Variants in UMAD1 observed in about 807,000 individuals in gnomAD.
The protein encoded by UMAD1 is UBAP1-MVB12-associated (UMA)-domain containing protein 1.
A neutral mutation model predicts 6.1 loss-of-function variants in UMAD1; 8 were observed. The observed-to-expected ratio is 1.30, with a 90% CI of 0.76 to 2.35. The LOEUF is 2.35. Among genes scored for constraint, UMAD1 ranks in the 30% most tolerant of loss-of-function variants. The pLI is 0.00. For missense variants in UMAD1, 130 were observed against 78.4 expected (o/e 1.66, Z -2.49); for synonymous variants, 56 against 31.4 (o/e 1.78, Z -2.61).
chr7:7,665,808 G>T (rs1344871582), intron 1 of UMAD1, among the ~76,000 whole-genome samples: 2 of 151,374 alleles, frequency 1.3e-5, no homozygotes, highest in Admixed American at 6.6e-5. Flanking sequence ...TATATTGTCT[G>T]GCTTCTTTCC....
chr7:7,651,435 T>C (rs2115550579), intron 1 of UMAD1, among the ~76,000 whole-genome samples: 1 of 152,308 alleles, frequency 6.6e-6, no homozygotes, highest in Admixed American at 6.5e-5. Context: ...TTTAGGGCTG[T>C]AGGTTTTCAG....
chr7:7,749,063 T>G (rs1013611109), intron 2 of UMAD1, among the ~76,000 whole-genome samples: 4 of 152,202 alleles, frequency 2.6e-5, no homozygotes, highest in Admixed American at 2.0e-4. Flanking sequence ...AAAATTTCCC[T>G]TGATAATGTT....
intron 3 of UMAD1, among the ~76,000 whole-genome samples, chr7:7,840,947 G>A (rs190509392): frequency 6.6e-6 from 1 of 152,208 alleles, no homozygotes; most frequent in East Asian, 1.9e-4. Context: ...CAGGTTAGGA[G>A]TTGGGTACCT....
At chr7:7,695,637 A>AC (rs1411441948) in intron 2 of UMAD1, among the ~76,000 whole-genome samples, 1 of 152,064 alleles carries the variant, frequency 6.6e-6, no homozygotes. Context: ...ACAGGATCTG[A>AC]CCCCTCACAC....
At chr7:7,700,765 G>A (rs1018092110) in intron 2 of UMAD1, among the ~76,000 whole-genome samples, 12 of 152,260 alleles carry the variant, frequency 7.9e-5, no homozygotes, top group African/African-American at 2.9e-4. Flanking sequence ...GTGGGTGCCT[G>A]TAATCAAAGC....
chr7:7,819,217 C>T (rs942605959), intron 3 of UMAD1, among the ~76,000 whole-genome samples: 6 of 152,132 alleles, frequency 3.9e-5, no homozygotes, highest in African/African-American at 1.2e-4. Context: ...CCCCATAGTA[C>T]AGGACCTTCT....
chr7:7,643,200 G>C (rs1371980339), intron 1 of UMAD1, among the ~76,000 whole-genome samples: 1 of 152,124 alleles, frequency 6.6e-6, no homozygotes, highest in African/African-American at 2.4e-5. Context: ...ATTGAATGTA[G>C]ACCCGAGGGA....
chr7:7,873,119 GCTAA>G (rs748543386), intron 3 of UMAD1, among the ~76,000 whole-genome samples: 113 of 152,246 alleles, frequency 7.4e-4, no homozygotes, highest in Non-Finnish European at 9.1e-4. Flanking sequence ...CTATGAAATA[GCTAA>G]CTGTTATCAA....
intron 2 of UMAD1, among the ~76,000 whole-genome samples, chr7:7,728,010 A>C (rs1017933587): frequency 5.3e-5 from 8 of 152,086 alleles, no homozygotes; most frequent in African/African-American, 1.9e-4. Flanking sequence ...CCTCTAGAGA[A>C]CCCTGACTAA....
At chr7:7,868,935 C>A (rs950984754) in intron 3 of UMAD1, among the ~76,000 whole-genome samples, 1 of 152,106 alleles carries the variant, frequency 6.6e-6, no homozygotes, top group South Asian at 2.1e-4. Context: ...ATTTAATGAG[C>A]ACTTTGTATA....
At chr7:7,698,208 T>A (rs576487355) in intron 2 of UMAD1, among the ~76,000 whole-genome samples, 1 of 152,238 alleles carries the variant, frequency 6.6e-6, no homozygotes, top group Non-Finnish European at 1.5e-5. Context: ...GCTTCATTAG[T>A]GTTTTTGGAT....
intron 2 of UMAD1, among the ~76,000 whole-genome samples, chr7:7,799,176 G>GA (rs202232008): frequency 4.0e-5 from 6 of 151,836 alleles, no homozygotes; most frequent in Non-Finnish European, 7.4e-5. Context: ...TCAAGGGGTG[G>GA]AAAAAAAACT....
chr7:7,860,312 T>A (rs2115331608), intron 3 of UMAD1, among the ~76,000 whole-genome samples: 1 of 152,306 alleles, frequency 6.6e-6, no homozygotes, highest in Admixed American at 6.5e-5. Flanking sequence ...AATAAGTTTA[T>A]AATTCAAAAT....
chr7:7,696,309 AAAAC>A (rs905978491), intron 2 of UMAD1, among the ~76,000 whole-genome samples: 8 of 151,790 alleles, frequency 5.3e-5, no homozygotes, highest in Non-Finnish European at 1.2e-4. Flanking sequence ...ATTAAAAAAA[AAAAC>A]ACCCCAAAAC....
intron 3 of UMAD1, among the ~76,000 whole-genome samples, chr7:7,834,904 G>A (rs1380443237): frequency 6.6e-6 from 1 of 152,130 alleles, no homozygotes; most frequent in Non-Finnish European, 1.5e-5. Flanking sequence ...GGCAGAAGGC[G>A]AAGGGGAAGT....
At chr7:7,806,238 G>T (rs1432110564) in intron 3 of UMAD1, among the ~76,000 whole-genome samples, 1 of 116,980 alleles carries the variant, frequency 8.5e-6, no homozygotes, top group African/African-American at 2.8e-5. Flanking sequence ...AAAAAGAACA[G>T]CAGGGTTTTT....
Position 7,877,534 on chromosome 7 carries a change from C to T in UMAD1, c.410C>T (p.Ser137Leu), listed in dbSNP as rs748824600. 1.4e-6 allele frequency: 1 copy of T among 717,174 alleles called. No individual in the cohort carries two copies. The highest frequency in any genetic ancestry group is 2.6e-6 in the Non-Finnish European group (1 of 385,064). The allele number at this position is 717,174 out of a possible 1,614,324, so 44.4% of individuals were successfully genotyped here. A position where few individuals can be genotyped will look rare whatever the true frequency, so the allele number is the denominator to read the frequency against. Residue 137 changes from serine to leucine, a missense_variant, in exon 4 of 4, where the codon TCA becomes TTA. By Grantham distance (145) the Ser-to-Leu change is moderately radical. Coordinates refer to ENST00000682710, the MANE Select transcript of UMAD1 (RefSeq NM_001302348.2). ...CTTGAAAATTCAGTGCTCTGTGATT[C>T]ATAACCTTTATGTCTGTTTGCACCT... ...FTLENSVLCDS is the reference protein window; with the variant it reads ...FTLENSVLCDL
chr7:7,667,526 C>T (rs1779496571), intron 1 of UMAD1, among the ~76,000 whole-genome samples: 1 of 152,006 alleles, frequency 6.6e-6, no homozygotes, highest in Admixed American at 6.6e-5. Context: ...AGTTTTTTTT[C>T]CCTAAATGTA....
chr7:7,649,363 C>T (rs978092981), intron 1 of UMAD1, among the ~76,000 whole-genome samples: 1 of 151,920 alleles, frequency 6.6e-6, no homozygotes, highest in Non-Finnish European at 1.5e-5. Flanking sequence ...AACTACTCCC[C>T]CAATAACTTA....
Sources: allele counts gnomAD v4.1 joint callset (sites outside exome capture counted in the v4.1 genomes callset), GRCh38; gene constraint gnomAD v4.1.1; transcripts MANE v1.5; gene names NCBI Gene and HGNC (gene_info 2026-07-23, HGNC 2026-07-21).